STRA8: variants seen among roughly 807,000 people sequenced by gnomAD.
STRA8 encodes the protein stimulated by retinoic acid gene 8 protein homolog.
Under a neutral mutation model 37.1 loss-of-function variants are expected in STRA8, and 18 were observed. The observed-to-expected ratio is 0.48, with a 90% CI of 0.34 to 0.72. STRA8 has a LOEUF of 0.72. Among genes scored for constraint, STRA8 ranks in the 30% least tolerant of loss-of-function variants. STRA8 has a pLI of 0.01. For synonymous variants in STRA8, 168 were observed against 162.9 expected (o/e 1.03, Z -0.24); for missense variants, 357 against 410.4 (o/e 0.87, Z 1.13).
chr7:135,243,840 A>G (rs1363309930), intron 4 of STRA8, among the ~76,000 whole-genome samples: 2 of 152,242 alleles, frequency 1.3e-5, no homozygotes, highest in East Asian at 3.8e-4. Context: ...CTTGGAGGAT[A>G]CATATGACAA....
chr7:135,253,241 C>G (rs1055495614), intron 7 of STRA8, among the ~76,000 whole-genome samples: 2 of 152,108 alleles, frequency 1.3e-5, no homozygotes, highest in African/African-American at 2.4e-5. Flanking sequence ...GCTCTGGGGC[C>G]TGTTTTATAA....
At chr7:135,247,564 C>A (rs533776707) in intron 6 of STRA8, among the ~76,000 whole-genome samples, 2 of 152,198 alleles carry the variant, frequency 1.3e-5, no homozygotes, top group African/African-American at 4.8e-5. Flanking sequence ...CCGCTCCTCC[C>A]CTCTCATTGG....
At position 135,246,907 on chromosome 7, in the gene STRA8, C is replaced by G. The variant is rs1465222654; in HGVS notation, c.879+205C>G. The G allele has an allele frequency of 9.2e-6, 5 of 546,424 alleles. No individual in the cohort carries two copies. The highest frequency in any genetic ancestry group is 1.5e-5 in the Non-Finnish European group (5 of 324,106). 33.8% of individuals were successfully genotyped at this position (546,424 alleles called of 1,614,324 possible). ...TCGCCCAGGCTGGAGTGCAGTGGCG[C>G]GATCTCGGCTCACTGCAAGCTCTGG... On this transcript the variant is annotated intron_variant, in intron 6 of 8. Coordinates refer to ENST00000662584, the MANE Select transcript of STRA8 (RefSeq NM_001394401.1). This position sits in a 1 kb window ranked among gnomAD's most constrained non-coding sequence, Gnocchi z 5.4.
chr7:135,240,548 C>G lies in STRA8; in HGVS notation c.24C>G (p.Ser8Arg), dbSNP rs761530053. 1.2e-6 allele frequency: 2 copies of G among 1,614,060 alleles called. No individual in the cohort carries two copies. The highest frequency in any genetic ancestry group is 1.7e-6 in the Non-Finnish European group (2 of 1,180,012). ...TAATGGCAACCCCTGAAGAAAACAG[C>G]AATCCCCATGACAGAGCAACACCCC... MATPEEN[S>R]NPHDRATPQL... Residue 8 changes from serine (S) to arginine (R), a missense_variant, in exon 2 of 9, where the codon AGC becomes AGG. Physicochemically the swap from Ser to Arg is moderately radical, Grantham distance 110. Transcript: ENST00000662584.
chr7:135,242,852 G>A lies in STRA8; in HGVS notation c.264G>A (p.Leu88=), dbSNP rs1349317168. ...AAACCCTGGATAATTTGCTGAAGCT[G>A]AAAGGTAATGGAGCACTACTTGCCA... The part of the protein sequence containing the change: ...LEQTLDNLLK[L]KASFNLEDGH... Residue 88 remains leucine (L), a synonymous_variant, in exon 3 of 9, where the codon CTG becomes CTA. Coordinates refer to ENST00000662584, the MANE Select transcript of STRA8 (RefSeq NM_001394401.1). The A allele has an allele frequency of 4.3e-6, 7 of 1,614,134 alleles. No individual in the cohort carries two copies. In the South Asian group the frequency reaches 6.6e-5, roughly 15 times the overall value.
chr7:135,254,398 C>T (rs1354369897), intron 7 of STRA8, among the ~76,000 whole-genome samples: 2 of 152,212 alleles, frequency 1.3e-5, no homozygotes, highest in Non-Finnish European at 2.9e-5. Context: ...GTCCTACAGA[C>T]ACACAGCCTC....
At chr7:135,255,321 C>A in intron 8 of STRA8, 96 bp downstream of exon 8, 1 of 899,448 alleles carries the variant, frequency 1.1e-6, no homozygotes, top group Non-Finnish European at 1.8e-6. Flanking sequence ...TCACCCCAAT[C>A]ATACCATGAG....
upstream of STRA8, chr7:135,232,115 T>TGG: frequency 1.0e-6 from 1 of 980,784 alleles, no homozygotes; most frequent in Non-Finnish European, 1.6e-6. Context: ...TGTGTGGCAG[T>TGG]GGTTGGGGCG....
intron 8 of STRA8, among the ~76,000 whole-genome samples, chr7:135,256,431 C>G (rs972832415): frequency 1.3e-5 from 2 of 152,154 alleles, no homozygotes; most frequent in Non-Finnish European, 2.9e-5. Context: ...TGAGAATAGA[C>G]GAAAAGGACA....
At chr7:135,253,383 C>T (rs760754240) in intron 7 of STRA8, among the ~76,000 whole-genome samples, 18 of 152,282 alleles carry the variant, frequency 1.2e-4, no homozygotes, top group Non-Finnish European at 2.6e-4. Flanking sequence ...CACAATCCAT[C>T]GGTCTCTAGC....
intron 2 of STRA8, among the ~76,000 whole-genome samples, chr7:135,242,556 A>G (rs1832482789): frequency 6.6e-6 from 1 of 152,200 alleles, no homozygotes; most frequent in Non-Finnish European, 1.5e-5. Context: ...ACTCTTTCCA[A>G]ATCCTTTGGC....
chr7:135,246,812 T>G lies in STRA8; in HGVS notation c.879+110T>G. 1 of 1,167,282 alleles carries G rather than the reference T, an allele frequency of 8.6e-7. No homozygotes were observed. Among genetic ancestry groups the G allele is most frequent in the Non-Finnish European group, 1.2e-6 (1 of 867,082 alleles). 72.3% of individuals were successfully genotyped at this position (1,167,282 alleles called of 1,614,324 possible). A position where few individuals can be genotyped will look rare whatever the true frequency, so the allele number is the denominator to read the frequency against. On this transcript the variant is annotated intron_variant, in intron 6 of 8. Coordinates refer to ENST00000662584, the MANE Select transcript of STRA8 (RefSeq NM_001394401.1). This position sits in a 1 kb window ranked among gnomAD's most constrained non-coding sequence, Gnocchi z 5.4. ...CAGGTTGGAGGTGCAGTTTGCCTTC[T>G]GGCTCCCAAGGTCGGTTTCTGATTT...
intron 8 of STRA8, 43 bp from the exon 9 acceptor site, chr7:135,258,375 C>G: frequency 6.5e-7 from 1 of 1,537,550 alleles, no homozygotes; most frequent in Non-Finnish European, 8.9e-7. Context: ...GGGCCCAAGA[C>G]CCACAGATAA....
chr7:135,242,892 C>T (rs1206716135), intron 3 of STRA8, 36 bp downstream of exon 3: 13 of 1,598,748 alleles, frequency 8.1e-6, no homozygotes, highest in Non-Finnish European at 1.0e-5. Flanking sequence ...CATCTCCCTC[C>T]CTGGAGAAAA....
chr7:135,254,765 C>A (rs1045879420), intron 7 of STRA8, among the ~76,000 whole-genome samples: 1 of 152,200 alleles, frequency 6.6e-6, no homozygotes, highest in African/African-American at 2.4e-5. Context: ...AGATGTGCGG[C>A]GTGCTCCAGA....
chr7:135,257,813 CA>C (rs1379687562), intron 8 of STRA8, among the ~76,000 whole-genome samples: 1 of 135,086 alleles, frequency 7.4e-6, no homozygotes, highest in African/African-American at 3.3e-5. Flanking sequence ...AAAAGATATA[CA>C]ATGGACACTT....
intron 2 of STRA8, among the ~76,000 whole-genome samples, chr7:135,241,711 C>T (rs2117795231): frequency 6.6e-6 from 1 of 152,308 alleles, no homozygotes; most frequent in Non-Finnish European, 1.5e-5. Context: ...TTGCTTCTAC[C>T]CCTTGTTAGT....
At chr7:135,252,305 C>T (rs928418482) in intron 7 of STRA8, among the ~76,000 whole-genome samples, 2 of 152,122 alleles carry the variant, frequency 1.3e-5, no homozygotes, top group African/African-American at 4.8e-5. Flanking sequence ...GTGCTACACA[C>T]TTTTCAAATA....
At chr7:135,243,229 G>T (rs906642097) in intron 3 of STRA8, 97 bp from the exon 4 acceptor site, 3 of 1,286,180 alleles carry the variant, frequency 2.3e-6, no homozygotes, top group Non-Finnish European at 3.3e-6. Context: ...GAGGGTTCAG[G>T]GTCCCACCCA....
Sources: gnomAD v4.1 joint callset for allele counts (sites outside exome capture counted in the v4.1 genomes callset) on GRCh38, gnomAD v4.1.1 for gene constraint, Gnocchi (gnomAD v3.1) non-coding constraint, MANE v1.5 for transcripts, NCBI Gene and HGNC (gene_info 2026-07-23, HGNC 2026-07-21) for gene names.